Variants in SHROOM4 observed in about 807,000 individuals in gnomAD.
The protein encoded by SHROOM4 is shroom family member 4.
A neutral mutation model predicts 80.3 loss-of-function variants in SHROOM4; 17 were observed. That is an observed-to-expected ratio of 0.21 (90% confidence interval 0.14 to 0.32). The LOEUF (loss-of-function observed/expected upper bound fraction) is 0.32, where lower values mean the gene tolerates loss of function less well. SHROOM4 is among the 10% of genes least tolerant of loss of function. The probability of loss-of-function intolerance (pLI) is 1.00; values close to 1 mark genes in which losing one functional copy is unlikely to be tolerated. For missense variants in SHROOM4, 993 were observed against 1,140.3 expected, an observed-to-expected ratio of 0.87 and a Z score of 1.86; for synonymous variants, 400 against 437.5, an observed-to-expected ratio of 0.91 and a Z score of 1.07.
chrX:50,804,160 A>G, intron 1 of SHROOM4, among the ~76,000 whole-genome samples: 1 of 111,890 alleles, frequency 8.9e-6, no homozygotes, highest in Non-Finnish European at 1.9e-5. Context: ...GCTAATAATA[A>G]TATGAAATAA....
chrX:50,607,638 G>A lies in SHROOM4; in HGVS notation c.3504C>T (p.Thr1168=), dbSNP rs141453548. Reference sequence around the variant, plus strand: ...CAGGATTGAGAGCACAGGAACCAGAGGTTTCTGAACTGAAATACTGGGGTG... The same window carrying A: ...CAGGATTGAGAGCACAGGAACCAGAAGTTTCTGAACTGAAATACTGGGGTG... ...ELPPQYFSSE[T]SGSCALNPEE... The change falls in exon 6 of 9, where the codon ACC becomes ACT. Residue 1168 remains threonine, a synonymous_variant. Coordinates refer to ENST00000376020, the MANE Select transcript of SHROOM4 (RefSeq NM_020717.5). 1,149 of 1,207,963 alleles carry A rather than the reference G, an allele frequency of 9.5e-4. No individual in the cohort carries two copies. Among genetic ancestry groups the A allele is most frequent in the Non-Finnish European group, 1.2e-3 (1,071 of 894,368 alleles).
intron 2 of SHROOM4, among the ~76,000 whole-genome samples, chrX:50,688,698 A>G (rs1443554155): frequency 9.0e-6 from 1 of 111,340 alleles, no homozygotes; most frequent in Non-Finnish European, 1.9e-5. Context: ...AGGAAAAAAA[A>G]TGACCCTTAG....
intron 1 of SHROOM4, among the ~76,000 whole-genome samples, chrX:50,739,230 AG>A (rs2147566530): frequency 1.8e-5 from 2 of 110,371 alleles, no homozygotes; most frequent in East Asian, 5.7e-4. Flanking sequence ...TAAAAACCCT[AG>A]AAGAAAACCT....
chrX:50,597,683 A>G (rs1929178566), intron 8 of SHROOM4, among the ~76,000 whole-genome samples: 1 of 111,643 alleles, frequency 9.0e-6, no homozygotes, highest in Non-Finnish European at 1.9e-5. Flanking sequence ...CAATAATCCC[A>G]TAAGGCAGGT....
intron 1 of SHROOM4, among the ~76,000 whole-genome samples, chrX:50,712,486 C>T (rs1439407191): frequency 2.7e-5 from 3 of 111,640 alleles, no homozygotes; most frequent in African/African-American, 9.8e-5. Context: ...GGATAGCTAC[C>T]CCATTCTCCA....
At chrX:50,700,325 G>T (rs1933484759) in intron 1 of SHROOM4, among the ~76,000 whole-genome samples, 1 of 112,159 alleles carries the variant, frequency 8.9e-6, no homozygotes, top group African/African-American at 3.2e-5. Context: ...ATCTTAGAAA[G>T]ATTTTCAAGT....
At chrX:50,658,052 T>C (rs1002800017) in intron 2 of SHROOM4, among the ~76,000 whole-genome samples, 1 of 111,758 alleles carries the variant, frequency 8.9e-6, no homozygotes, top group Non-Finnish European at 1.9e-5. Context: ...ACAGCATTTT[T>C]CCCCTTTGCT....
chrX:50,753,002 G>C (rs1370661404), intron 1 of SHROOM4, among the ~76,000 whole-genome samples: 3 of 111,946 alleles, frequency 2.7e-5, no homozygotes, highest in Non-Finnish European at 5.6e-5. Flanking sequence ...GAACCTCTGA[G>C]AGATGGAGTG....
intron 1 of SHROOM4, among the ~76,000 whole-genome samples, chrX:50,739,304 T>C (rs1420258822): frequency 9.0e-6 from 1 of 111,388 alleles, no homozygotes; most frequent in Non-Finnish European, 1.9e-5. Flanking sequence ...CCAAAAGCAA[T>C]GGCAACAAAA....
intron 1 of SHROOM4, among the ~76,000 whole-genome samples, chrX:50,720,384 T>C (rs1557265330): frequency 8.9e-6 from 1 of 111,768 alleles, no homozygotes; most frequent in Non-Finnish European, 1.9e-5. Flanking sequence ...GAGAACACCA[T>C]CCACTTGGTT....
At chrX:50,743,159 T>C (rs1364049340) in intron 1 of SHROOM4, among the ~76,000 whole-genome samples, 1 of 107,532 alleles carries the variant, frequency 9.3e-6, no homozygotes, top group Non-Finnish European at 1.9e-5. Flanking sequence ...CCTTACTTCC[T>C]GGCACTACGA....
At chrX:50,748,118 T>C (rs942284296) in intron 1 of SHROOM4, among the ~76,000 whole-genome samples, 8 of 111,711 alleles carry the variant, frequency 7.2e-5, no homozygotes, top group Non-Finnish European at 1.5e-4. Flanking sequence ...TATATGATAG[T>C]ATCCTGAAAG....
Position 50,641,763 on chromosome X carries a change from C to T in SHROOM4, c.270-3455G>A, listed in dbSNP as rs151084942. 9.6e-3 allele frequency among the ~76,000 whole-genome samples: 1,078 copies of T among 112,088 alleles called. 5 individuals carry two copies. Among genetic ancestry groups the T allele is most frequent in the Non-Finnish European group, 0.016 (825 of 53,176 alleles). Reference sequence around the variant, plus strand: ...GAGTAGCTAGGATTACAGGCATGTGCCACCATGCCCAGCTAATTTTGTATT... The same window carrying T: ...GAGTAGCTAGGATTACAGGCATGTGTCACCATGCCCAGCTAATTTTGTATT... On this transcript the variant is annotated intron_variant, in intron 2 of 8. Transcript: ENST00000376020.
At chrX:50,666,407 T>A (rs1370578591) in intron 2 of SHROOM4, among the ~76,000 whole-genome samples, 1 of 111,502 alleles carries the variant, frequency 9.0e-6, no homozygotes, top group Non-Finnish European at 1.9e-5. Context: ...CTCTAGCAAT[T>A]CTTCTTGTTC....
chrX:50,626,482 AC>A (rs1172393422), intron 5 of SHROOM4, among the ~76,000 whole-genome samples: 2 of 111,107 alleles, frequency 1.8e-5, no homozygotes, highest in African/African-American at 6.6e-5. Context: ...TCTGACTGTG[AC>A]CCTTTATGTG....
At chrX:50,740,167 CACTGGGG>C (rs1200010056) in intron 1 of SHROOM4, among the ~76,000 whole-genome samples, 2 of 81,441 alleles carry the variant, frequency 2.5e-5, no homozygotes, top group African/African-American at 9.3e-5. Context: ...GAACATCACA[CACTGGGG>C]ACTGTTGTGG....
intron 2 of SHROOM4, among the ~76,000 whole-genome samples, chrX:50,644,396 T>C (rs977314675): frequency 8.9e-6 from 1 of 111,806 alleles, no homozygotes; most frequent in Admixed American, 9.5e-5. Context: ...TCTAGCATGC[T>C]ATGATGTAGT....
chrX:50,804,120 G>A (rs139489203), intron 1 of SHROOM4, among the ~76,000 whole-genome samples: 7 of 111,846 alleles, frequency 6.3e-5, no homozygotes, highest in South Asian at 3.8e-4. Context: ...TGTGGAATGC[G>A]CTTGCTTGCT....
rs368056139 is a variant in SHROOM4, at chrX:50,695,763, C to T, written c.269+23G>A. 3.8e-5 allele frequency: 46 copies of T among 1,208,264 alleles called. No individual in the cohort carries two copies. In the African/African-American group the frequency reaches 4.7e-4, roughly 12 times the overall value. On this transcript the variant is annotated intron_variant, in intron 2 of 8. Transcript: ENST00000376020. ...AAGTTTCAGTGGCCTCTGCACCTTA[C>T]GGAGAATCTCCCTGTACCTTACCTC...
Sources: allele counts gnomAD v4.1 joint callset (sites outside exome capture counted in the v4.1 genomes callset), GRCh38; gene constraint gnomAD v4.1.1; transcripts MANE v1.5; gene names NCBI Gene and HGNC (gene_info 2026-07-23, HGNC 2026-07-21).